The following GZF1 variants were observed in gnomAD, a reference collection of about 807,000 sequenced individuals.
GZF1 encodes GDNF-inducible zinc finger protein 1.
Under a neutral mutation model 49.4 loss-of-function variants are expected in GZF1, and 28 were observed. The ratio of observed to expected loss-of-function variants is 0.57; its 90% CI spans 0.42 to 0.78. GZF1 has a LOEUF of 0.78. Ranked by LOEUF, GZF1 falls within the 30% of genes least tolerant of loss-of-function variation. The probability of loss-of-function intolerance (pLI) is 0.00; values close to 1 mark genes in which losing one functional copy is unlikely to be tolerated. For synonymous variants in GZF1, 364 were observed against 356.0 expected (o/e 1.02, Z -0.25); for missense variants, 798 against 916.2 (o/e 0.87, Z 1.67).
chr20:23,366,379 C>T (rs886803508), intron 2 of GZF1, among the ~76,000 whole-genome samples: 1 of 152,180 alleles, frequency 6.6e-6, no homozygotes, highest in Non-Finnish European at 1.5e-5. Context: ...AAACCTAGGT[C>T]AGTCTTGGGT....
At chr20:23,367,152 C>A in intron 3 of GZF1, 55 bp downstream of exon 3, 1 of 1,274,040 alleles carries the variant, frequency 7.8e-7, no homozygotes, top group Non-Finnish European at 1.1e-6. Context: ...GAAGGAAATG[C>A]AATTGATTAA....
intron 1 of GZF1, among the ~76,000 whole-genome samples, chr20:23,364,099 AATC>A (rs1981008567): frequency 6.6e-6 from 1 of 152,252 alleles, no homozygotes; most frequent in African/African-American, 2.4e-5. Flanking sequence ...GTATTTCACT[AATC>A]ACAACTTCCA....
rs371662615 is a variant in GZF1, at chr20:23,369,183, G to C, written c.1627+254G>C. On this transcript the variant is annotated intron_variant, in intron 4 of 5. Coordinates refer to ENST00000338121, the MANE Select transcript of GZF1 (RefSeq NM_022482.5). ...GAGTTTTTACTGAAAAGGACAGACAGCTTAGTCATGGTGTGAATGTAGGAA... is the reference window on the plus strand; with the variant it reads ...GAGTTTTTACTGAAAAGGACAGACACCTTAGTCATGGTGTGAATGTAGGAA... Among the ~76,000 whole-genome samples, 97 of 152,332 alleles carry C rather than the reference G, an allele frequency of 6.4e-4. 1 individual carries two copies. In the South Asian group the frequency reaches 0.019, roughly 30 times the overall value.
At chr20:23,362,053 C>A (rs1490313259), upstream of GZF1, 1 of 152,348 alleles carries the variant, frequency 6.6e-6, no homozygotes, top group East Asian at 1.9e-4. Context: ...CGCTCCGCCG[C>A]CCGACGTGTG....
Position 23,371,831 on chromosome 20 carries a change from T to A in GZF1, c.*1390T>A, listed in dbSNP as rs1424062577. The stretch of plus-strand genomic sequence containing the variant: ...CTTTGATTTTCTAAGAGGAAGGTAC[T>A]TTAAGTTCCAGAATGAACATGTAGC... On this transcript the variant is annotated 3_prime_UTR_variant, in exon 6 of 6. Transcript: ENST00000338121. The A allele has an allele frequency of 6.6e-6, 1 of 152,254 alleles. No individual in the cohort carries two copies. Among genetic ancestry groups the A allele is most frequent in the Non-Finnish European group, 1.5e-5 (1 of 68,042 alleles). The allele number at this position is 152,254 out of a possible 1,614,324, so 9.4% of individuals were successfully genotyped here.
intron 1 of GZF1, chr20:23,363,187 T>C (rs1434044545): frequency 6.6e-6 from 1 of 152,252 alleles, no homozygotes; most frequent in African/African-American, 2.4e-5. Flanking sequence ...TGGGACTAGT[T>C]TATCAGGGAA....
chr20:23,370,285 G>A lies in GZF1; in HGVS notation c.1980G>A (p.Met660Ile). ...LAAVQDTVPT[M>I]QENSSADTAC... is the part of the protein sequence containing the mutation. ...CAGTCCAAGACACTGTACCTACCAT[G>A]CAGGAGAACAGTTCTGCTGACACAG... Residue 660 changes from methionine (M) to isoleucine (I), a missense_variant, in exon 6 of 6, where the codon ATG becomes ATA. This residue lies in a region of GZF1 where 446 missense variants were observed against 540.1 expected (regional missense o/e 0.83). Transcript: ENST00000338121. 6.2e-7 allele frequency: 1 copy of A among 1,614,200 alleles called. No homozygotes were observed. The highest frequency in any genetic ancestry group is 8.5e-7 in the Non-Finnish European group (1 of 1,180,040).
intron 3 of GZF1, among the ~76,000 whole-genome samples, chr20:23,368,115 A>C (rs1015454199): frequency 5.9e-5 from 9 of 152,230 alleles, no homozygotes; most frequent in African/African-American, 1.9e-4. Flanking sequence ...TTGTTTAAAG[A>C]AAGCTTGGGA....
chr20:23,367,630 C>T (rs1278512041), intron 3 of GZF1, among the ~76,000 whole-genome samples: 1 of 152,160 alleles, frequency 6.6e-6, no homozygotes. Context: ...ATACAGTTAA[C>T]CTCAATTGTA....
Position 23,365,043 on chromosome 20 carries a change from G to A in GZF1, c.660G>A (p.Arg220=). Reference sequence around the variant, plus strand: ...TTAAACCTCCCTACCCTAAAATCAGGAGAGCTAGTGGAAGGCTGGCTGGGA... The same window carrying A: ...TTAAACCTCCCTACCCTAAAATCAGAAGAGCTAGTGGAAGGCTGGCTGGGA... ...EVVKPPYPKI[R]RASGRLAGRK... Residue 220 remains arginine, a synonymous_variant, in exon 2 of 6, where the codon AGG becomes AGA. Coordinates refer to ENST00000338121, the MANE Select transcript of GZF1 (RefSeq NM_022482.5). 1.9e-6 allele frequency: 3 copies of A among 1,614,126 alleles called. No individual in the cohort carries two copies. Among genetic ancestry groups the A allele is most frequent in the Non-Finnish European group, 2.5e-6 (3 of 1,180,028 alleles).
chr20:23,361,897 G>GC (rs1980693504), upstream of GZF1, among the ~76,000 whole-genome samples: 5 of 152,188 alleles, frequency 3.3e-5, no homozygotes, highest in South Asian at 1.0e-3. Flanking sequence ...GACTGGCCCC[G>GC]CCCCCCTGTG....
At chr20:23,367,118 G>A in intron 3 of GZF1, 21 bp downstream of exon 3, 1 of 1,473,416 alleles carries the variant, frequency 6.8e-7, no homozygotes, top group Non-Finnish European at 9.5e-7. Flanking sequence ...ATGCTGTTGT[G>A]ATTGAATGTC....
chr20:23,367,348 AAT>A (rs1981518980), intron 3 of GZF1, among the ~76,000 whole-genome samples: 1 of 152,214 alleles, frequency 6.6e-6, no homozygotes, highest in African/African-American at 2.4e-5. Context: ...AGAGATATAA[AAT>A]AGTTCTTTTG....
At chr20:23,366,887 GTCATTC>G (rs1264633835) in intron 2 of GZF1, 110 bp from the exon 3 acceptor site, 1 of 727,202 alleles carries the variant, frequency 1.4e-6, no homozygotes. Context: ...TGTCACTACA[GTCATTC>G]TCATTAGGTC....
chr20:23,368,678 G>A (rs534945117), intron 3 of GZF1, 84 bp from the exon 4 acceptor site: 207 of 967,800 alleles, frequency 2.1e-4, no homozygotes, highest in African/African-American at 5.5e-4. Context: ...TTGAGTTCAC[G>A]TGGGTTTTAA....
At chr20:23,364,315 T>C in intron 1 of GZF1, 48 bp from the exon 2 acceptor site, 1 of 1,140,738 alleles carries the variant, frequency 8.8e-7, no homozygotes, top group South Asian at 1.5e-5. Flanking sequence ...ATTTTAGTCC[T>C]TTTGCATCAG....
rs1391315997 is a variant in GZF1 at position 23,373,026 on chromosome 20, TAAAC to T, written c.*2586_*2589del. On this transcript the variant is annotated 3_prime_UTR_variant, in exon 6 of 6. Coordinates refer to ENST00000338121, the MANE Select transcript of GZF1 (RefSeq NM_022482.5). ...ATAATTTAATTTTTAACCTGTTAAA[TAAAC>T]CTTGTCCCTCCAAGGAGTTCATTTT... 6.6e-6 allele frequency: 1 copy of T among 152,242 alleles called. No homozygotes were observed. The highest frequency in any genetic ancestry group is 2.4e-5 in the African/African-American group (1 of 41,466). 9.4% of individuals were successfully genotyped at this position (152,242 alleles called of 1,614,324 possible).
chr20:23,363,039 C>T (rs1447538214), intron 1 of GZF1, among the ~76,000 whole-genome samples: 1 of 152,178 alleles, frequency 6.6e-6, no homozygotes. Flanking sequence ...ACTGGGGCGT[C>T]TCCTTCAGGC....
At chr20:23,362,443 C>T (rs1053590527) in intron 1 of GZF1, 1 of 152,504 alleles carries the variant, frequency 6.6e-6, no homozygotes, top group Non-Finnish European at 1.5e-5. Context: ...TTCTCTGTGG[C>T]TGCAGTAGTT....
Sources: allele counts gnomAD v4.1 joint callset (sites outside exome capture counted in the v4.1 genomes callset), GRCh38; gene constraint gnomAD v4.1.1; regional missense constraint gnomAD v4.1.1; transcripts MANE v1.5; gene names NCBI Gene and HGNC (gene_info 2026-07-23, HGNC 2026-07-21).